CLCA2: variants seen among roughly 807,000 people sequenced by gnomAD.
CLCA2 encodes the protein chloride channel accessory 2.
Under a neutral mutation model 82.9 loss-of-function variants are expected in CLCA2, and 85 were observed. That is an observed-to-expected ratio of 1.03 (90% CI 0.86 to 1.23). CLCA2 has a LOEUF of 1.23. Ranked by LOEUF, CLCA2 falls within the 50% of genes most tolerant of loss-of-function variation. CLCA2 has a pLI of 0.00. For synonymous variants in CLCA2, 421 were observed against 391.7 expected (o/e 1.07, Z -0.88); for missense variants, 1,089 against 1,124.8 (o/e 0.97, Z 0.45).
chr1:86,436,999 C>T (rs1662626251), intron 6 of CLCA2, among the ~76,000 whole-genome samples: 1 of 152,198 alleles, frequency 6.6e-6, no homozygotes, highest in Non-Finnish European at 1.5e-5. Flanking sequence ...CAGGCATGAG[C>T]CAACATTCCC....
chr1:86,444,223 T>G (rs1183453924), intron 10 of CLCA2, among the ~76,000 whole-genome samples: 1 of 152,216 alleles, frequency 6.6e-6, no homozygotes, highest in Non-Finnish European at 1.5e-5. Flanking sequence ...CACCAAATAC[T>G]TCAACACTGA....
intron 3 of CLCA2, 116 bp downstream of exon 3, chr1:86,428,684 A>T: frequency 8.5e-7 from 1 of 1,171,132 alleles, no homozygotes; most frequent in Admixed American, 2.3e-5. Context: ...CTTACCACTC[A>T]AAGGGGGAGA....
At chr1:86,436,376 C>T (rs1226167242) in intron 6 of CLCA2, among the ~76,000 whole-genome samples, 1 of 152,196 alleles carries the variant, frequency 6.6e-6, no homozygotes, top group African/African-American at 2.4e-5. Flanking sequence ...TCCCTACCTC[C>T]CTTTTCCCTT....
At chr1:86,424,937 T>G (rs1447858526) in intron 1 of CLCA2, among the ~76,000 whole-genome samples, 2 of 152,168 alleles carry the variant, frequency 1.3e-5, no homozygotes, top group Non-Finnish European at 2.9e-5. Context: ...TATTTTTACT[T>G]TAATATGGCA....
chr1:86,448,437 C>G (rs1662898783), intron 11 of CLCA2: 1 of 152,274 alleles, frequency 6.6e-6, no homozygotes, highest in South Asian at 2.1e-4. Flanking sequence ...GCCTCGTCAT[C>G]ATACATTATA....
In CLCA2 at chr1:86,447,722, C is replaced by G. The variant is rs765701489; in HGVS notation, c.1928C>G (p.Thr643Arg). ...ATTCTTAATGCCACTGTCACTGCCA[C>G]AGTTGAGCCAGAGACTGGAGATCCT... ...YPILNATVTA[T>R]VEPETGDPVT... The change falls in exon 11 of 14, where the codon ACA (threonine) becomes AGA (arginine). Residue 643 changes from threonine (T) to arginine (R), a missense_variant. Coordinates refer to ENST00000370565, the MANE Select transcript of CLCA2 (RefSeq NM_006536.7). 4 of 1,614,032 alleles carry G rather than the reference C, an allele frequency of 2.5e-6. No individual in the cohort carries two copies. The East Asian group carries it at 8.9e-5, about 36-fold the overall frequency.
intron 2 of CLCA2, 57 bp downstream of exon 2, chr1:86,425,533 A>T: frequency 7.3e-7 from 1 of 1,374,394 alleles, no homozygotes; most frequent in Admixed American, 2.6e-5. Flanking sequence ...ACCAAAATAT[A>T]CTGTGCTCAA....
At chr1:86,430,767 G>C in intron 3 of CLCA2, 95 bp from the exon 4 acceptor site, 3 of 898,408 alleles carry the variant, frequency 3.3e-6, no homozygotes, top group Non-Finnish European at 5.6e-6. Context: ...ATTCCAAAGA[G>C]TATGTGTGGT....
At position 86,424,357 on chromosome 1, in the gene CLCA2, A is replaced by G; in HGVS notation, c.110A>G (p.Asp37Gly). 1 of 1,613,996 alleles carries G rather than the reference A, an allele frequency of 6.2e-7. No individual in the cohort carries two copies. The highest frequency in any genetic ancestry group is 8.5e-7 in the Non-Finnish European group (1 of 1,179,908). ...PFLGAGVQLQ[D>G]NGYNGLLIAI... is the part of the protein sequence containing the mutation. ...CTGGGAGCTGGAGTACAGCTTCAAG[A>G]CAATGGGTATAATGGATTGCTCATT... is the stretch of plus-strand genomic sequence containing the variant. Residue 37 changes from aspartate to glycine, a missense_variant, in exon 1 of 14, where the codon GAC becomes GGC. By Grantham distance (94) the Asp-to-Gly change is moderately conservative (BLOSUM62 -1). Transcript: ENST00000370565.
chr1:86,448,201 A>T (rs1056868831), intron 11 of CLCA2: 4 of 165,386 alleles, frequency 2.4e-5, no homozygotes, highest in African/African-American at 9.6e-5. Flanking sequence ...CAGCGAACCC[A>T]CTTTTTCCCT....
At chr1:86,425,292 CAGG>C (rs772327653) in intron 1 of CLCA2, 44 bp from the exon 2 acceptor site, 331 of 1,425,974 alleles carry the variant, frequency 2.3e-4, no homozygotes, top group Admixed American at 1.8e-4. Flanking sequence ...CCAAAACATA[CAGG>C]ATTTACAAGT....
chr1:86,452,292 C>T (rs1272796694), intron 12 of CLCA2, among the ~76,000 whole-genome samples: 1 of 149,700 alleles, frequency 6.7e-6, no homozygotes. Context: ...CTTGAACTGC[C>T]ACTTTCTTGC....
In CLCA2 at chr1:86,444,020, T is replaced by C. The variant is rs3820039; in HGVS notation, c.1713+9T>C. 448,284 of 1,571,852 alleles carry C rather than the reference T, an allele frequency of 0.29. 66,303 individuals are homozygous for C. The highest frequency in any genetic ancestry group is 0.33 in the Admixed American group (19,406 of 59,654). On this transcript the variant is annotated intron_variant, in intron 10 of 13. Coordinates refer to ENST00000370565, the MANE Select transcript of CLCA2 (RefSeq NM_006536.7). ...TTCCAGGAACAGCTAAGGTAGGTGT[T>C]GTGAGTTTGTTCCTAAGGACAACGT...
rs1381399990 is a variant in CLCA2 at position 86,424,200 on chromosome 1, A to G, written c.-48A>G. The G allele has an allele frequency of 2.6e-6, 4 of 1,538,124 alleles. No individual in the cohort carries two copies. The highest frequency in any genetic ancestry group is 3.5e-6 in the Non-Finnish European group (4 of 1,138,232). On this transcript the variant is annotated 5_prime_UTR_variant, in exon 1 of 14. An upstream start codon of the reference 5' UTR is lost. Transcript: ENST00000370565. The stretch of plus-strand genomic sequence containing the variant: ...GCATCCATATTGAAAACCTGACACA[A>G]TGTATGCAGCAGGCTCAGTGTGAGT...
At chr1:86,432,133 A>G (rs909170392) in intron 4 of CLCA2, among the ~76,000 whole-genome samples, 3 of 152,050 alleles carry the variant, frequency 2.0e-5, no homozygotes, top group Non-Finnish European at 4.4e-5. Flanking sequence ...ACAGGGTTTC[A>G]CCATGTTGGC....
In CLCA2 at chr1:86,438,862, T is replaced by C; in HGVS notation, c.973-14T>C. 6.2e-7 allele frequency: 1 copy of C among 1,610,970 alleles called. No homozygotes were observed. Among genetic ancestry groups the C allele is most frequent in the East Asian group, 2.2e-5 (1 of 44,830 alleles). ...CAAATGTTGCCATTTTCTTTTTTCC[T>C]TTTTGGGACATAGGCTGACAGACTC... is the stretch of plus-strand genomic sequence containing the variant. On this transcript the variant is annotated splice_polypyrimidine_tract_variant and intron_variant, in intron 6 of 13. Coordinates refer to ENST00000370565, the MANE Select transcript of CLCA2 (RefSeq NM_006536.7).
At chr1:86,425,208 G>T (rs2101686952) in intron 1 of CLCA2, 131 bp from the exon 2 acceptor site, 1 of 526,334 alleles carries the variant, frequency 1.9e-6, no homozygotes, top group Non-Finnish European at 3.0e-6. Flanking sequence ...CAAAGTCTAG[G>T]GCTTTCTCTA....
At chr1:86,455,060 T>C (rs1192933116) in intron 13 of CLCA2, 25 bp from the exon 14 acceptor site, 2 of 1,357,194 alleles carry the variant, frequency 1.5e-6, no homozygotes, top group Non-Finnish European at 9.9e-7. Context: ...GACTTAATTT[T>C]CCTATTTATA....
chr1:86,428,369 A>T, intron 2 of CLCA2, 49 bp from the exon 3 acceptor site: 1 of 1,528,628 alleles, frequency 6.5e-7, no homozygotes, highest in South Asian at 1.3e-5. Context: ...CATTTATGTC[A>T]CCAACAACAG....
Sources: gnomAD v4.1 joint callset for allele counts (sites outside exome capture counted in the v4.1 genomes callset) on GRCh38, gnomAD v4.1.1 for gene constraint, MANE v1.5 for transcripts, NCBI Gene and HGNC (gene_info 2026-07-23, HGNC 2026-07-21) for gene names.